The following HSD17B7 variants were observed in gnomAD, a reference collection of about 807,000 sequenced individuals.
HSD17B7 encodes the protein 3-keto-steroid reductase/17-beta-hydroxysteroid dehydrogenase 7.
In HSD17B7, 17 loss-of-function variants were observed where a neutral mutation model predicts 34.1. The observed-to-expected ratio is 0.50, with a 90% CI of 0.34 to 0.75. The LOEUF (loss-of-function observed/expected upper bound fraction) is 0.75, where lower values mean the gene tolerates loss of function less well. Ranked by LOEUF, HSD17B7 falls within the 30% of genes least tolerant of loss-of-function variation. The probability of loss-of-function intolerance (pLI) is 0.01; values close to 1 mark genes in which losing one functional copy is unlikely to be tolerated. For synonymous variants in HSD17B7, 122 were observed against 154.6 expected (o/e 0.79, Z 1.56); for missense variants, 296 against 406.6 (o/e 0.73, Z 2.34).
rs1170395221 is a variant in HSD17B7, at chr1:162,797,886, T to C, written c.417T>C (p.Phe139=). ...CTGCTGATGGACTTCAGGAGGTGTT[T>C]GAGACCAATGTCTTTGGCCATTTTA... ...KITADGLQEV[F]ETNVFGHFIL... Residue 139 remains phenylalanine (F), a synonymous_variant, in exon 4 of 9, where the codon TTT becomes TTC. Transcript: ENST00000254521. The C allele has an allele frequency of 1.2e-6, 2 of 1,613,940 alleles. No homozygotes were observed. Among genetic ancestry groups the C allele is most frequent in the Non-Finnish European group, 1.7e-6 (2 of 1,179,844 alleles).
intron 5 of HSD17B7, among the ~76,000 whole-genome samples, chr1:162,801,951 A>G (rs1234153278): frequency 5.3e-5 from 8 of 152,336 alleles, no homozygotes; most frequent in Admixed American, 4.6e-4. Flanking sequence ...TATTGCTTGT[A>G]AAATCTGTTG....
chr1:162,802,367 G>A (rs1409044415), intron 5 of HSD17B7, among the ~76,000 whole-genome samples: 1 of 152,212 alleles, frequency 6.6e-6, no homozygotes, highest in Non-Finnish European at 1.5e-5. Flanking sequence ...TTCCTTAGCT[G>A]TTTTAGGGGC....
At chr1:162,806,933 ACT>A (rs1648997712) in intron 8 of HSD17B7, among the ~76,000 whole-genome samples, 2 of 150,370 alleles carry the variant, frequency 1.3e-5, no homozygotes, top group African/African-American at 4.9e-5. Context: ...TTATGGAAAA[ACT>A]CTAACTTGAT....
chr1:162,793,089 A>G lies in HSD17B7; in HGVS notation c.239+227A>G, dbSNP rs191317531. On this transcript the variant is annotated intron_variant, in intron 2 of 8. Transcript: ENST00000254521. ...TGCTCTGTTGCCCAGGCTGGAGTGCAATGGCGTGATCTCGGCTCACTTCAA... is the reference window on the plus strand; with the variant it reads ...TGCTCTGTTGCCCAGGCTGGAGTGCGATGGCGTGATCTCGGCTCACTTCAA... 4.7e-3 allele frequency: 1,668 copies of G among 352,236 alleles called. 19 individuals carry two copies. The highest frequency in any genetic ancestry group is 0.035 in the East Asian group (549 of 15,740). 21.8% of individuals were successfully genotyped at this position (352,236 alleles called of 1,614,324 possible).
intron 1 of HSD17B7, among the ~76,000 whole-genome samples, chr1:162,791,655 C>G (rs949322206): frequency 2.7e-5 from 4 of 147,946 alleles, no homozygotes; most frequent in African/African-American, 1.0e-4. Flanking sequence ...TTTAGCATAC[C>G]CTCTCAAGTG....
intron 8 of HSD17B7, among the ~76,000 whole-genome samples, chr1:162,810,846 G>A (rs1649149471): frequency 6.6e-6 from 1 of 152,070 alleles, no homozygotes; most frequent in African/African-American, 2.4e-5. Context: ...GTGTCTCTCT[G>A]CACATGAAAT....
At chr1:162,799,033 A>T (rs1306649477) in intron 4 of HSD17B7, 1 of 194,334 alleles carries the variant, frequency 5.1e-6, no homozygotes, top group Non-Finnish European at 1.1e-5. Context: ...GAAAGTTACT[A>T]TGTGCAGCCA....
At chr1:162,802,948 A>T (rs1648861626) in intron 5 of HSD17B7, 1 of 152,840 alleles carries the variant, frequency 6.5e-6, no homozygotes, top group South Asian at 2.1e-4. Context: ...CTCAAGCTAG[A>T]GGTATGGGTC....
In HSD17B7 at chr1:162,792,668, C is replaced by A; in HGVS notation, c.45C>A (p.Gly15=). 6.2e-7 allele frequency: 1 copy of A among 1,612,316 alleles called. No individual in the cohort carries two copies. The highest frequency in any genetic ancestry group is 8.5e-7 in the Non-Finnish European group (1 of 1,179,192). ...VLITGASSGI[G]LALCKRLLAE... Reference sequence around the variant, plus strand: ...TGAATTGTCCTCCCAGTGGCATTGGCCTGGCCCTCTGCAAGCGGCTGCTGG... The same window carrying A: ...TGAATTGTCCTCCCAGTGGCATTGGACTGGCCCTCTGCAAGCGGCTGCTGG... Residue 15 remains glycine, a synonymous_variant, in exon 2 of 9, where the codon GGC becomes GGA. Coordinates refer to ENST00000254521, the MANE Select transcript of HSD17B7 (RefSeq NM_016371.4).
Position 162,796,601 on chromosome 1 carries a change from T to G in HSD17B7, c.256T>G (p.Cys86Gly), listed in dbSNP as rs779488692. 8.1e-6 allele frequency: 13 copies of G among 1,608,242 alleles called. No individual in the cohort carries two copies. Among genetic ancestry groups the G allele is most frequent in the African/African-American group, 2.7e-5 (2 of 74,948 alleles). The change falls in exon 3 of 9, where the codon TGT (cysteine) becomes GGT (glycine). Residue 86 changes from cysteine to glycine, a missense_variant. Transcript: ENST00000254521. ...TACTTGCAGGTTTCAGAGATTAGAC[T>G]GTATATATCTAAATGCTGGGATCAT... ...ELKQRFQRLD[C>G]IYLNAGIMPN...
Position 162,812,594 on chromosome 1 carries a change from C to T in HSD17B7, c.*174C>T. The T allele has an allele frequency of 1.7e-6, 1 of 590,096 alleles. No homozygotes were observed. Among genetic ancestry groups the T allele is most frequent in the Non-Finnish European group, 2.6e-6 (1 of 378,522 alleles). The allele number at this position is 590,096 out of a possible 1,614,324, so 36.6% of individuals were successfully genotyped here. On this transcript the variant is annotated 3_prime_UTR_variant, in exon 9 of 9. Coordinates refer to ENST00000254521, the MANE Select transcript of HSD17B7 (RefSeq NM_016371.4). ...TCAGAAGGATGAGGTGGGAGGATCT[C>T]TTGAGGCTGGGAGGCAGAGGTTGCA...
intron 8 of HSD17B7, among the ~76,000 whole-genome samples, chr1:162,809,927 G>GT (rs780835942): frequency 2.0e-5 from 3 of 151,902 alleles, no homozygotes; most frequent in Non-Finnish European, 2.9e-5. Flanking sequence ...TTTTTGAAGG[G>GT]TTTTTTTGTG....
In HSD17B7 at chr1:162,803,512, C is replaced by T. The variant is rs147380085; in HGVS notation, c.724C>T (p.Leu242=). 2.8e-4 allele frequency: 457 copies of T among 1,612,848 alleles called. 4 individuals carry two copies. The African/African-American group carries it at 5.3e-3, about 19-fold the overall frequency. The change falls in exon 6 of 9, where the codon CTG becomes TTG. Residue 242 remains leucine, a synonymous_variant. Coordinates refer to ENST00000254521, the MANE Select transcript of HSD17B7 (RefSeq NM_016371.4). ...YGILPPFIWT[L]LMPAILLLRF... ...AATTCTGCCTCCGTTTATATGGACG[C>T]TGTTGATGCCGGCAATATTGCTAGT...
chr1:162,808,058 A>C (rs1184508184), intron 8 of HSD17B7, among the ~76,000 whole-genome samples: 1 of 152,118 alleles, frequency 6.6e-6, no homozygotes, highest in African/African-American at 2.4e-5. Context: ...TATGTCCTGA[A>C]TAGTATTGCC....
chr1:162,807,809 G>T (rs1353984188), intron 8 of HSD17B7, among the ~76,000 whole-genome samples: 3 of 152,010 alleles, frequency 2.0e-5, no homozygotes, highest in Admixed American at 6.6e-5. Flanking sequence ...TTGCCCACTT[G>T]TTGATGGGGT....
At chr1:162,793,449 C>G (rs1022270238) in intron 2 of HSD17B7, among the ~76,000 whole-genome samples, 11 of 150,272 alleles carry the variant, frequency 7.3e-5, no homozygotes, top group South Asian at 6.3e-4. Flanking sequence ...CCATTGCGCC[C>G]AGCCAGTACC....
At chr1:162,810,089 T>A (rs1649124767) in intron 8 of HSD17B7, among the ~76,000 whole-genome samples, 1 of 152,222 alleles carries the variant, frequency 6.6e-6, no homozygotes, top group African/African-American at 2.4e-5. Flanking sequence ...GGGCTTTTAG[T>A]GCTATAAATT....
chr1:162,812,567 A>G lies in HSD17B7; in HGVS notation c.*147A>G, dbSNP rs551498503. On this transcript the variant is annotated 3_prime_UTR_variant, in exon 9 of 9. Transcript: ENST00000254521. ...GTGGCATGCGCATGTAGTCCCAGCTACTCAGAAGGATGAGGTGGGAGGATC... is the reference window on the plus strand; with the variant it reads ...GTGGCATGCGCATGTAGTCCCAGCTGCTCAGAAGGATGAGGTGGGAGGATC... 3.3e-5 allele frequency: 25 copies of G among 750,962 alleles called. No homozygotes were observed. The highest frequency in any genetic ancestry group is 5.0e-5 in the Non-Finnish European group (25 of 501,486). The allele number at this position is 750,962 out of a possible 1,614,324, so 46.5% of individuals were successfully genotyped here.
At chr1:162,793,172 T>A (rs1420808889) in intron 2 of HSD17B7, 7 of 239,500 alleles carry the variant, frequency 2.9e-5, no homozygotes, top group Admixed American at 5.1e-5. Context: ...GTAGCTGGGA[T>A]TACAGACATG....
Sources: gnomAD v4.1 joint callset for allele counts (sites outside exome capture counted in the v4.1 genomes callset) on GRCh38, gnomAD v4.1.1 for gene constraint, MANE v1.5 for transcripts, NCBI Gene and HGNC (gene_info 2026-07-23, HGNC 2026-07-21) for gene names.